The following AGMO variants were observed in gnomAD, a reference collection of about 807,000 sequenced individuals.
AGMO encodes the protein glyceryl-ether monooxygenase.
AGMO carries 75 observed loss-of-function variants against 60.2 expected under a neutral mutation model. That is an observed-to-expected ratio of 1.25 (90% CI 1.03 to 1.51). The LOEUF (loss-of-function observed/expected upper bound fraction) is 1.51, where lower values mean the gene tolerates loss of function less well. AGMO is among the 40% of genes most tolerant of loss of function. AGMO has a pLI of 0.00. For synonymous variants in AGMO, 261 were observed against 177.1 expected (o/e 1.47, Z -3.76); for missense variants, 763 against 525.5 (o/e 1.45, Z -4.42).
intron 12 of AGMO, among the ~76,000 whole-genome samples, chr7:15,339,142 G>T (rs1781753718): frequency 2.0e-5 from 3 of 152,104 alleles, no homozygotes; most frequent in South Asian, 4.1e-4. Context: ...GACTAACCAT[G>T]AATAAGTCCT....
intron 4 of AGMO, among the ~76,000 whole-genome samples, chr7:15,426,029 C>T (rs1490377342): frequency 6.6e-6 from 1 of 152,064 alleles, no homozygotes; most frequent in African/African-American, 2.4e-5. Flanking sequence ...ATAGATAAAA[C>T]AAATATGTTC....
chr7:15,342,967 G>C (rs1781913284), intron 12 of AGMO, among the ~76,000 whole-genome samples: 1 of 152,008 alleles, frequency 6.6e-6, no homozygotes, highest in Non-Finnish European at 1.5e-5. Flanking sequence ...GAATGGAGCA[G>C]ACTCTTGATA....
intron 12 of AGMO, among the ~76,000 whole-genome samples, chr7:15,217,733 T>A (rs1781785170): frequency 7.0e-6 from 1 of 143,726 alleles, no homozygotes; most frequent in South Asian, 2.3e-4. Context: ...AAATGAAAAA[T>A]ACAGTGTGTC....
chr7:15,366,160 A>C lies in AGMO; in HGVS notation c.1137T>G (p.Ile379Met), dbSNP rs145243646. Residue 379 changes from isoleucine to methionine, a missense_variant, in exon 11 of 13, where the codon ATT (isoleucine) becomes ATG (methionine). Ile to Met is a conservative substitution (Grantham distance 10). Coordinates refer to ENST00000342526, the MANE Select transcript of AGMO (RefSeq NM_001004320.2). ...CTTGCCTTTGATCCAGAAGAAATCC[A>C]ATGGAAGTCAAGGTCAGGATAATGA... The part of the protein sequence containing the change: ...VCFIILTLTS[I>M]GFLLDQRPKA... 1.6e-5 allele frequency: 25 copies of C among 1,608,168 alleles called. No individual in the cohort carries two copies. The highest frequency in any genetic ancestry group is 2.0e-5 in the Non-Finnish European group (23 of 1,176,660).
chr7:15,322,294 A>G (rs1274501687), intron 12 of AGMO, among the ~76,000 whole-genome samples: 1 of 148,190 alleles, frequency 6.7e-6, no homozygotes, highest in Admixed American at 6.9e-5. Flanking sequence ...AAAAAACAAA[A>G]GCACTAAGTA....
At chr7:15,322,975 A>AT (rs1216815415) in intron 12 of AGMO, among the ~76,000 whole-genome samples, 10 of 43,774 alleles carry the variant, frequency 2.3e-4, no homozygotes, top group Non-Finnish European at 3.3e-4. Context: ...GTGTATATAT[A>AT]TATGTATTTA....
At chr7:15,392,848 T>A (rs1157442670) in intron 6 of AGMO, among the ~76,000 whole-genome samples, 1 of 152,038 alleles carries the variant, frequency 6.6e-6, no homozygotes, top group Non-Finnish European at 1.5e-5. Context: ...AAATACACCT[T>A]ATCTACTGAA....
intron 12 of AGMO, among the ~76,000 whole-genome samples, chr7:15,308,537 A>T (rs1780679391): frequency 6.6e-6 from 1 of 152,096 alleles, no homozygotes; most frequent in South Asian, 2.1e-4. Context: ...TTTGCTTGTC[A>T]TATTTGCTTG....
chr7:15,410,214 A>G (rs963981303), intron 5 of AGMO, among the ~76,000 whole-genome samples: 20 of 151,656 alleles, frequency 1.3e-4, no homozygotes, highest in African/African-American at 4.8e-4. Context: ...ACTTTTTTTT[A>G]TTATGTACAT....
the AGMO span, among the ~76,000 whole-genome samples, chr7:15,175,443 G>A: frequency 6.6e-6 from 1 of 151,920 alleles, no homozygotes; most frequent in Non-Finnish European, 1.5e-5. Context: ...AATTAATTTA[G>A]ATAGGGATTA....
the AGMO span, among the ~76,000 whole-genome samples, chr7:15,189,631 C>T: frequency 2.0e-5 from 3 of 152,022 alleles, no homozygotes; most frequent in Admixed American, 6.6e-5. Flanking sequence ...CACAGCGCAT[C>T]GCACCTTCCA....
intron 5 of AGMO, among the ~76,000 whole-genome samples, chr7:15,400,332 G>A (rs761229329): frequency 4.6e-5 from 7 of 152,142 alleles, no homozygotes; most frequent in South Asian, 2.1e-4. Flanking sequence ...ACTGGGAAAA[G>A]TGCTACTGGC....
intron 12 of AGMO, among the ~76,000 whole-genome samples, chr7:15,259,638 A>G (rs1332468002): frequency 1.3e-5 from 2 of 152,086 alleles, no homozygotes; most frequent in Non-Finnish European, 2.9e-5. Context: ...AAAGGAAGGA[A>G]TCTTAAGAGC....
rs527463907 is a variant in AGMO at position 15,270,596 on chromosome 7, A to ATTTTTTTTTTTTTTTTTTTTTT, written c.1264-69259_1264-69238dup. Among the ~76,000 whole-genome samples, 65 of 48,068 alleles carry ATTTTTTTTTTTTTTTTTTTTTT rather than the reference A, an allele frequency of 1.4e-3. 1 individual carries two copies. Among genetic ancestry groups the ATTTTTTTTTTTTTTTTTTTTTT allele is most frequent in the South Asian group, 3.5e-3 (3 of 846 alleles). The allele number at this position is 48,068 out of a possible 152,430, so 31.5% of individuals were successfully genotyped here. On this transcript the variant is annotated intron_variant, in intron 12 of 12. Coordinates refer to ENST00000342526, the MANE Select transcript of AGMO (RefSeq NM_001004320.2). The stretch of plus-strand genomic sequence containing the variant: ...ATTAAACAAATTTAATCTGTTGATA[A>ATTTTTTTTTTTTTTTTTTTTTT]TTTTTTTTTTTTTTTTTTTTTTTTT...
intron 2 of AGMO, among the ~76,000 whole-genome samples, chr7:15,545,444 TCTC>T (rs1784752542): frequency 1.3e-5 from 2 of 152,110 alleles, no homozygotes; most frequent in African/African-American, 4.8e-5. Context: ...AAATCTATTC[TCTC>T]TTCTCTTCTT....
At chr7:15,253,513 CTAA>C (rs777691924) in intron 12 of AGMO, among the ~76,000 whole-genome samples, 1 of 151,932 alleles carries the variant, frequency 6.6e-6, no homozygotes, top group African/African-American at 2.4e-5. Flanking sequence ...CTTGCATTTC[CTAA>C]TAATGAATTT....
chr7:15,485,625 G>C (rs531753532), intron 3 of AGMO, among the ~76,000 whole-genome samples: 16 of 152,244 alleles, frequency 1.1e-4, no homozygotes, highest in African/African-American at 3.4e-4. Flanking sequence ...TCCCATGTTT[G>C]CGGGGGAGTC....
chr7:15,159,091 T>C, the AGMO span, among the ~76,000 whole-genome samples: 1 of 152,092 alleles, frequency 6.6e-6, no homozygotes, highest in African/African-American at 2.4e-5. Context: ...GATTGTTTCT[T>C]GATTATATTC....
intron 12 of AGMO, among the ~76,000 whole-genome samples, chr7:15,320,902 G>T (rs911187997): frequency 6.6e-6 from 1 of 152,080 alleles, no homozygotes; most frequent in Non-Finnish European, 1.5e-5. Flanking sequence ...AAACAATAAA[G>T]TTTAACTGTT....
Sources: gnomAD v4.1 joint callset for allele counts (sites outside exome capture counted in the v4.1 genomes callset) on GRCh38, gnomAD v4.1.1 for gene constraint, MANE v1.5 for transcripts, NCBI Gene and HGNC (gene_info 2026-07-23, HGNC 2026-07-21) for gene names.